The following ZNRF3 variants were observed in gnomAD, a reference collection of about 807,000 sequenced individuals.
ZNRF3 encodes E3 ubiquitin-protein ligase ZNRF3.
ZNRF3 carries 23 observed loss-of-function variants against 72.5 expected under a neutral mutation model. The observed-to-expected ratio is 0.32, with a 90% CI of 0.23 to 0.45. ZNRF3 has a LOEUF of 0.45. ZNRF3 is among the 20% of genes least tolerant of loss of function. The probability of loss-of-function intolerance (pLI) is 1.00; values close to 1 mark genes in which losing one functional copy is unlikely to be tolerated. For synonymous variants in ZNRF3, 610 were observed against 545.3 expected (o/e 1.12, Z -1.65); for missense variants, 1,169 against 1,272.1 (o/e 0.92, Z 1.23).
At chr22:28,912,011 G>T (rs953884942) in intron 1 of ZNRF3, among the ~76,000 whole-genome samples, 1 of 152,326 alleles carries the variant, frequency 6.6e-6, no homozygotes, top group South Asian at 2.1e-4. Flanking sequence ...TACAAATTAT[G>T]TAAGAGAAGG....
chr22:28,967,673 T>G (rs952966179), intron 1 of ZNRF3, among the ~76,000 whole-genome samples: 8 of 152,040 alleles, frequency 5.3e-5, no homozygotes, highest in African/African-American at 1.9e-4. Flanking sequence ...ATGCTTGTAA[T>G]CCCAGCACTT....
chr22:29,051,721 A>G (rs915587273), intron 8 of ZNRF3, among the ~76,000 whole-genome samples: 1 of 151,870 alleles, frequency 6.6e-6, no homozygotes. Flanking sequence ...AGCTTGGCCA[A>G]TATGGTGAAA....
At chr22:28,987,232 T>G in intron 2 of ZNRF3, 31 bp downstream of exon 2, 1 of 1,593,534 alleles carries the variant, frequency 6.3e-7, no homozygotes, top group Non-Finnish European at 8.5e-7. Context: ...ATCACTGTGT[T>G]TCTGGTTGGT....
chr22:29,053,482 C>A (rs2037243916), intron 8 of ZNRF3, 97 bp from the exon 9 acceptor site: 2 of 1,189,962 alleles, frequency 1.7e-6, no homozygotes, highest in African/African-American at 1.5e-5. Flanking sequence ...ATACACAGGC[C>A]TGCCACATGC....
intron 2 of ZNRF3, among the ~76,000 whole-genome samples, chr22:28,999,334 C>A (rs964969945): frequency 3.3e-4 from 49 of 147,906 alleles, no homozygotes; most frequent in Non-Finnish European, 3.1e-4. Flanking sequence ...ACTCTGTCTC[C>A]AAAAAAAAAG....
chr22:29,050,042 GC>G lies in ZNRF3; in HGVS notation c.1864del (p.Leu622CysfsTer44), dbSNP rs1911548510. On this transcript the variant is annotated frameshift_variant, in exon 8 of 9. Coordinates refer to ENST00000544604, the MANE Select transcript of ZNRF3 (RefSeq NM_001206998.2). LOFTEE classifies it high-confidence loss of function. ...CTCGGGCAGCTCGGGCCGGGGACCT[GC>G]CCTGTGCTTCGAGGGCTCCCCGCCT... ...GGSGSSGRGP[A>X]LCFEGSPPPE... The G allele has an allele frequency of 6.2e-7, 1 of 1,609,078 alleles. No homozygotes were observed. Among genetic ancestry groups the G allele is most frequent in the Non-Finnish European group, 8.5e-7 (1 of 1,178,250 alleles).
intron 1 of ZNRF3, among the ~76,000 whole-genome samples, chr22:28,953,249 A>G (rs964286297): frequency 6.6e-6 from 1 of 152,212 alleles, no homozygotes; most frequent in Non-Finnish European, 1.5e-5. Flanking sequence ...ATTACTTTTC[A>G]AAACGTATCC....
Position 29,048,622 on chromosome 22 carries a change from G to A in ZNRF3, c.1015+131G>A. The A allele has an allele frequency of 1.2e-6, 1 of 829,558 alleles. No homozygotes were observed. 51.4% of individuals were successfully genotyped at this position (829,558 alleles called of 1,614,324 possible). A position where few individuals can be genotyped will look rare whatever the true frequency, so the allele number is the denominator to read the frequency against. On this transcript the variant is annotated intron_variant, in intron 7 of 8. Transcript: ENST00000544604. The surrounding 1 kb of genome is among the most constrained non-coding windows in gnomAD (Gnocchi z 4.9). Reference sequence around the variant, plus strand: ...CTGGACTTGGAGGCCTGGCAGCCCTGGGTTTTGGAGGTTGTCTGCACGACC... The same window carrying A: ...CTGGACTTGGAGGCCTGGCAGCCCTAGGTTTTGGAGGTTGTCTGCACGACC...
intron 2 of ZNRF3, chr22:29,017,953 ACAG>A: frequency 1.9e-6 from 1 of 518,790 alleles, no homozygotes; most frequent in Non-Finnish European, 3.9e-6. Context: ...AGGGTCCAGG[ACAG>A]CAGTTGAGGT....
chr22:28,933,229 A>G (rs1486671649), intron 1 of ZNRF3, among the ~76,000 whole-genome samples: 1 of 152,184 alleles, frequency 6.6e-6, no homozygotes, highest in Non-Finnish European at 1.5e-5. Context: ...ACTTCTCTGG[A>G]AATTATTGGA....
At chr22:29,044,489 G>A (rs758132072) in intron 4 of ZNRF3, among the ~76,000 whole-genome samples, 1 of 152,202 alleles carries the variant, frequency 6.6e-6, no homozygotes. Flanking sequence ...TTTCTTACCA[G>A]TTACAGCCAA....
Position 28,884,001 on chromosome 22 carries a change from A to G in ZNRF3, c.235A>G (p.Thr79Ala). Residue 79 changes from threonine to alanine, a missense_variant, in exon 1 of 9, where the codon ACC becomes GCC. Thr to Ala is a moderately conservative substitution (Grantham distance 58, BLOSUM62 0). Around this residue, in one of 2 missense-constraint regions of ZNRF3, gnomAD observed 386 missense variants for 540.7 expected, o/e 0.71. Transcript: ENST00000544604. ...SPSGDYTTYT[T>A]GLTGRFSRAG... Reference sequence around the variant, plus strand: ...AAGCGGCGATTACACCACCTACACCACCGGCCTCACGGGCCGCTTCTCGCG... The same window carrying G: ...AAGCGGCGATTACACCACCTACACCGCCGGCCTCACGGGCCGCTTCTCGCG... The G allele has an allele frequency of 7.6e-7, 1 of 1,314,862 alleles. No individual in the cohort carries two copies. Among genetic ancestry groups the G allele is most frequent in the Non-Finnish European group, 9.9e-7 (1 of 1,014,244 alleles). The allele number at this position is 1,314,862 out of a possible 1,614,324, so 81.4% of individuals were successfully genotyped here.
rs940878247 is a variant in ZNRF3, at chr22:29,030,831, G to A, written c.427-11664G>A. ...CTGGCGCGGGGAGGAGCCGCGGGAG[G>A]GGGGATGTTGGCCGCAGGGCCTCGG... On this transcript the variant is annotated intron_variant, in intron 2 of 8. Coordinates refer to ENST00000544604, the MANE Select transcript of ZNRF3 (RefSeq NM_001206998.2). The surrounding 1 kb of genome is among the most constrained non-coding windows in gnomAD (Gnocchi z 4.2). Among the ~76,000 whole-genome samples, 8 of 152,170 alleles carry A rather than the reference G, an allele frequency of 5.3e-5. No individual in the cohort carries two copies. The highest frequency in any genetic ancestry group is 8.8e-5 in the Non-Finnish European group (6 of 68,024).
In ZNRF3 at chr22:29,049,980, G is replaced by A. The variant is rs755739062; in HGVS notation, c.1799G>A (p.Arg600His). The A allele has an allele frequency of 3.1e-6, 5 of 1,612,066 alleles. No individual in the cohort carries two copies. Among genetic ancestry groups the A allele is most frequent in the Non-Finnish European group, 1.7e-6 (2 of 1,179,730 alleles). ...AGCGACTATGACCCCTTCATCTACC[G>A]CAGCCGGAGCCCCTGTCGTGCCAGT... ...LSSDYDPFIY[R>H]SRSPCRASEA... The change falls in exon 8 of 9, where the codon CGC becomes CAC. Residue 600 changes from arginine to histidine, a missense_variant. Transcript: ENST00000544604. The surrounding 1 kb of genome is among the most constrained non-coding windows in gnomAD (Gnocchi z 5.2).
intron 2 of ZNRF3, among the ~76,000 whole-genome samples, chr22:28,993,817 G>T (rs1192938399): frequency 2.6e-5 from 4 of 152,152 alleles, no homozygotes; most frequent in Non-Finnish European, 5.9e-5. Flanking sequence ...CAAGTAGCTG[G>T]GACTACAGGT....
chr22:28,970,145 C>T (rs974369), intron 1 of ZNRF3, among the ~76,000 whole-genome samples: 6,953 of 152,158 alleles, frequency 0.046, 326 homozygotes, highest in East Asian at 0.13. Flanking sequence ...AAGACTGTTA[C>T]TCAGAATATA....
At chr22:29,007,079 A>G (rs577441095) in intron 2 of ZNRF3, among the ~76,000 whole-genome samples, 1 of 152,332 alleles carries the variant, frequency 6.6e-6, no homozygotes, top group African/African-American at 2.4e-5. Flanking sequence ...AATTGTTATC[A>G]GATGATCATT....
chr22:28,913,625 C>G (rs561591502), intron 1 of ZNRF3, among the ~76,000 whole-genome samples: 24 of 152,176 alleles, frequency 1.6e-4, no homozygotes, highest in African/African-American at 5.8e-4. Flanking sequence ...GATTTGTGGT[C>G]TTCTCTATAA....
At chr22:28,962,160 A>G (rs1375151589) in intron 1 of ZNRF3, among the ~76,000 whole-genome samples, 4 of 152,244 alleles carry the variant, frequency 2.6e-5, no homozygotes, top group Non-Finnish European at 5.9e-5. Context: ...GTTTGCATTT[A>G]CCGCATCCCA....
Sources: gnomAD v4.1 joint callset for allele counts (sites outside exome capture counted in the v4.1 genomes callset) on GRCh38, gnomAD v4.1.1 for gene constraint, gnomAD v4.1.1 regional missense constraint, Gnocchi (gnomAD v3.1) non-coding constraint, MANE v1.5 for transcripts, NCBI Gene and HGNC (gene_info 2026-07-23, HGNC 2026-07-21) for gene names.